Variants in STRN3 observed in about 807,000 individuals in gnomAD.
STRN3 encodes the protein striatin 3, also known as striatin-3.
A neutral mutation model predicts 95.6 loss-of-function variants in STRN3; 29 were observed. The ratio of observed to expected loss-of-function variants is 0.30; its 90% confidence interval spans 0.23 to 0.41. The LOEUF (loss-of-function observed/expected upper bound fraction) is 0.41. Ranked by LOEUF, STRN3 falls within the 10% of genes least tolerant of loss-of-function variation. The pLI, the probability that STRN3 is intolerant of heterozygous loss-of-function variation, is 1.00. For missense variants in STRN3, 890 were observed against 972.1 expected (o/e 0.92, Z 1.12); for synonymous variants, 331 against 357.6 (o/e 0.93, Z 0.84).
At chr14:30,992,289 T>C (rs1353424434) in intron 1 of STRN3, among the ~76,000 whole-genome samples, 1 of 151,562 alleles carries the variant, frequency 6.6e-6, no homozygotes, top group African/African-American at 2.4e-5. Flanking sequence ...CGGGCGCCTA[T>C]AATCCCAGCT....
rs1281682574 is a variant in STRN3 at position 30,955,602 on chromosome 14, C to G, written c.460+18G>C. ...AATGAATTAAAAAAAAAAAAAGTAA[C>G]AGAAGAAGCAAGTTTACCTGACTCA... On this transcript the variant is annotated intron_variant, in intron 3 of 17. Coordinates refer to ENST00000357479, the MANE Select transcript of STRN3 (RefSeq NM_001083893.2). 7 of 1,530,886 alleles carry G rather than the reference C, an allele frequency of 4.6e-6. No individual in the cohort carries two copies. The highest frequency in any genetic ancestry group is 6.1e-6 in the Non-Finnish European group (7 of 1,147,672). 94.8% of individuals were successfully genotyped at this position (1,530,886 alleles called of 1,614,324 possible). A position where few individuals can be genotyped will look rare whatever the true frequency, so the allele number is the denominator to read the frequency against.
chr14:31,014,771 T>A lies in STRN3; in HGVS notation c.282+11133A>T, dbSNP rs983286648. 63 of 436,602 alleles carry A rather than the reference T, an allele frequency of 1.4e-4. No individual in the cohort carries two copies. The Admixed American group carries it at 1.9e-3, about 13-fold the overall frequency. 27.0% of individuals were successfully genotyped at this position (436,602 alleles called of 1,614,324 possible). A position where few individuals can be genotyped will look rare whatever the true frequency, so the allele number is the denominator to read the frequency against. On this transcript the variant is annotated intron_variant, in intron 1 of 17. Coordinates refer to ENST00000357479, the MANE Select transcript of STRN3 (RefSeq NM_001083893.2). ...TATTGGTCAAAAGCACATCCTTTTTTAACCTTTTTTTCTTTTTCATTACAA... is the reference window on the plus strand; with the variant it reads ...TATTGGTCAAAAGCACATCCTTTTTAAACCTTTTTTTCTTTTTCATTACAA...
intron 7 of STRN3, among the ~76,000 whole-genome samples, chr14:30,929,967 A>AAAAAAAAAAAAAAAAAAAACAAAAAAAAC (rs1555317336): frequency 1.1e-5 from 1 of 91,122 alleles, no homozygotes; most frequent in Non-Finnish European, 2.3e-5. Context: ...AAAAAAAAAA[A>AAAAAAAAAAAAAAAAAAAACAAAAAAAAC]AAAAAAAAAA....
At chr14:30,973,179 A>G (rs1333309468) in intron 1 of STRN3, among the ~76,000 whole-genome samples, 1 of 152,238 alleles carries the variant, frequency 6.6e-6, no homozygotes, top group African/African-American at 2.4e-5. Context: ...ACTGCACTCC[A>G]GCCTGGGTGA....
In STRN3 at chr14:30,966,119, G is replaced by GCCAATCGGAATTAGTTTAGCCTGTGCAT. The variant is rs572640665; in HGVS notation, c.283-9905_283-9878dup. On this transcript the variant is annotated intron_variant, in intron 1 of 17. Transcript: ENST00000357479. ...TCACCCTGTCATTCTCTTTTAATTA[G>GCCAATCGGAATTAGTTTAGCCTGTGCAT]CCAATCGGAATTAGTTTAGCCTGTG... Among the ~76,000 whole-genome samples the GCCAATCGGAATTAGTTTAGCCTGTGCAT allele has an allele frequency of 7.0e-3, 1,068 of 151,890 alleles. 18 individuals carry two copies. Among genetic ancestry groups the GCCAATCGGAATTAGTTTAGCCTGTGCAT allele is most frequent in the African/African-American group, 0.024 (991 of 41,274 alleles).
chr14:30,966,770 G>A (rs1179298082), intron 1 of STRN3, among the ~76,000 whole-genome samples: 2 of 152,108 alleles, frequency 1.3e-5, no homozygotes, highest in African/African-American at 2.4e-5. Flanking sequence ...GAGTGAGTGG[G>A]TCCTCTCCAA....
chr14:30,904,006 T>C (rs1274422979), intron 15 of STRN3, among the ~76,000 whole-genome samples: 1 of 152,174 alleles, frequency 6.6e-6, no homozygotes, highest in Non-Finnish European at 1.5e-5. Flanking sequence ...TATTTTACTT[T>C]TTAAAAAATG....
Position 30,956,189 on chromosome 14 carries a change from C to CT in STRN3, c.335dup (p.Asp113GlyfsTer33). The CT allele has an allele frequency of 6.2e-7, 1 of 1,613,894 alleles. No individual in the cohort carries two copies. ...ACATCTTTATTCTTCTTACTAAGTCCTTCTTCAGGTTCTCTTGACCTTTTC... is the reference window on the plus strand; with the variant it reads ...ACATCTTTATTCTTCTTACTAAGTCCTTTCTTCAGGTTCTCTTGACCTTTTC... On this transcript the variant is annotated frameshift_variant, in exon 2 of 18. Coordinates refer to ENST00000357479, the MANE Select transcript of STRN3 (RefSeq NM_001083893.2). LOFTEE classifies it high-confidence loss of function.
At chr14:30,936,680 T>A in intron 5 of STRN3, 56 bp from the exon 6 acceptor site, 1 of 1,545,610 alleles carries the variant, frequency 6.5e-7, no homozygotes, top group Admixed American at 2.2e-5. Flanking sequence ...TTCTAATATT[T>A]CTTTCTGGTT....
intron 1 of STRN3, among the ~76,000 whole-genome samples, chr14:31,007,960 A>G (rs1236953947): frequency 6.6e-6 from 1 of 152,174 alleles, no homozygotes; most frequent in Non-Finnish European, 1.5e-5. Context: ...TGGGAGGCTG[A>G]GGCAGGCGGA....
At chr14:31,012,068 C>T (rs780170784) in intron 1 of STRN3, among the ~76,000 whole-genome samples, 6 of 152,154 alleles carry the variant, frequency 3.9e-5, no homozygotes, top group Non-Finnish European at 8.8e-5. Flanking sequence ...GGCGACGGAG[C>T]GAGACTCTGT....
chr14:30,902,231 G>A (rs10872846), intron 16 of STRN3, among the ~76,000 whole-genome samples: 2 of 122,754 alleles, frequency 1.6e-5, no homozygotes, highest in Admixed American at 8.5e-5. Context: ...ACACCAGAAA[G>A]AGATCTACCT....
intron 13 of STRN3, among the ~76,000 whole-genome samples, chr14:30,909,826 C>T: frequency 6.6e-6 from 1 of 152,160 alleles, no homozygotes; most frequent in Non-Finnish European, 1.5e-5. Context: ...TAAATTATCT[C>T]AGTAAAGCAG....
chr14:31,025,832 G>C (rs957888219), intron 1 of STRN3, 72 bp downstream of exon 1: 3 of 1,539,850 alleles, frequency 1.9e-6, no homozygotes, highest in Non-Finnish European at 2.6e-6. Context: ...CGGCTGAGTG[G>C]AGTCCCCAGC....
intron 1 of STRN3, among the ~76,000 whole-genome samples, chr14:30,999,005 C>G (rs946546472): frequency 5.9e-5 from 9 of 152,284 alleles, no homozygotes; most frequent in South Asian, 2.1e-4. Flanking sequence ...GACCTATACA[C>G]AGAGGAAAAG....
chr14:31,019,230 C>T (rs1883388149), intron 1 of STRN3, among the ~76,000 whole-genome samples: 1 of 152,126 alleles, frequency 6.6e-6, no homozygotes, highest in Non-Finnish European at 1.5e-5. Flanking sequence ...ACTATTTGAA[C>T]CCAAGAGTTT....
chr14:30,895,742 A>G lies in STRN3; in HGVS notation c.2144T>C (p.Met715Thr), dbSNP rs114922597. ...CAAGTGAGCTACCATAGAATGGATC[A>G]TTTTACCTAAACAAAACATAACAGA... ...IKFFDNKTGK[M>T]IHSMVAHLDA... Residue 715 changes from methionine (M) to threonine (T), a missense_variant, in exon 17 of 18, where the codon ATG becomes ACG. By Grantham distance (81) the Met-to-Thr change is moderately conservative. Around this residue, in one of 3 missense-constraint regions of STRN3, gnomAD observed 357 missense variants for 422.8 expected, o/e 0.84. Transcript: ENST00000357479. The G allele has an allele frequency of 2.0e-3, 3,221 of 1,611,746 alleles. 52 individuals carry two copies. The African/African-American group carries it at 0.032, about 16-fold the overall frequency.
At chr14:31,013,883 T>TATTATTATTTGAGACAGAGTGTC (rs1883098411) in intron 1 of STRN3, among the ~76,000 whole-genome samples, 1 of 110,726 alleles carries the variant, frequency 9.0e-6, no homozygotes, top group African/African-American at 3.1e-5. Flanking sequence ...TTATTATTAT[T>TATTATTATTTGAGACAGAGTGTC]ATTATTATTA....
chr14:31,014,486 C>T (rs549920570), intron 1 of STRN3, among the ~76,000 whole-genome samples: 11 of 152,192 alleles, frequency 7.2e-5, no homozygotes, highest in African/African-American at 2.4e-4. Context: ...TCCAAAAGTG[C>T]TGGGATTACA....
Sources: allele counts gnomAD v4.1 joint callset (sites outside exome capture counted in the v4.1 genomes callset), GRCh38; gene constraint gnomAD v4.1.1; regional missense constraint gnomAD v4.1.1; transcripts MANE v1.5; gene names NCBI Gene and HGNC (gene_info 2026-07-23, HGNC 2026-07-21).